The following TRMT11 variants were observed in gnomAD, a reference collection of about 807,000 sequenced individuals.
TRMT11 encodes tRNA (guanine(10)-N(2))-methyltransferase TRMT11.
A neutral mutation model predicts 62.8 loss-of-function variants in TRMT11; 53 were observed. That is an observed-to-expected ratio of 0.84 (90% confidence interval 0.68 to 1.06). TRMT11 has a LOEUF of 1.06. TRMT11 is among the 50% of genes least tolerant of loss of function. TRMT11 has a pLI of 0.00. For synonymous variants in TRMT11, 188 were observed against 190.3 expected (o/e 0.99, Z 0.10); for missense variants, 556 against 553.4 (o/e 1.00, Z -0.05).
At chr6:126,008,557 C>T in intron 8 of TRMT11, 85 bp downstream of exon 8, 1 of 1,202,470 alleles carries the variant, frequency 8.3e-7, no homozygotes, top group South Asian at 1.2e-5. Flanking sequence ...TGGAAGAACA[C>T]AAGTTTGAAT....
At chr6:125,995,287 G>A (rs998952603) in intron 2 of TRMT11, among the ~76,000 whole-genome samples, 21 of 152,206 alleles carry the variant, frequency 1.4e-4, no homozygotes, top group Middle Eastern at 6.8e-3. Flanking sequence ...AGGAGAGTGC[G>A]GATATAATTG....
At chr6:125,997,966 T>A (rs1791841446) in intron 3 of TRMT11, 87 bp from the exon 4 acceptor site, 2 of 898,012 alleles carry the variant, frequency 2.2e-6, no homozygotes, top group East Asian at 2.4e-5. Flanking sequence ...CAGTGGAGTG[T>A]GCATAAAGAA....
At chr6:126,056,983 A>G (rs2128119769) in intron 17 of TRMT11, among the ~76,000 whole-genome samples, 1 of 152,266 alleles carries the variant, frequency 6.6e-6, no homozygotes, top group East Asian at 1.9e-4. Context: ...TATGGAAGGG[A>G]TCAATGTCCT....
chr6:126,115,383 T>C (rs938717331), exon 20 of TRMT11, among the ~76,000 whole-genome samples: 5 of 152,074 alleles, frequency 3.3e-5, no homozygotes, highest in African/African-American at 1.2e-4. Flanking sequence ...TCTCTGGAGG[T>C]GGGACAAAGG....
intron 11 of TRMT11, among the ~76,000 whole-genome samples, chr6:126,017,755 T>G (rs1176728026): frequency 6.6e-6 from 1 of 152,236 alleles, no homozygotes; most frequent in Non-Finnish European, 1.5e-5. Flanking sequence ...TATAGAGACT[T>G]AACACATAAA....
chr6:126,036,239 G>C (rs1423250648), intron 12 of TRMT11, among the ~76,000 whole-genome samples: 7 of 152,106 alleles, frequency 4.6e-5, no homozygotes, highest in Non-Finnish European at 7.4e-5. Context: ...CAAAGTGATA[G>C]GTAATTGAAT....
At chr6:126,111,516 A>G (rs140428208) in intron 17 of TRMT11, among the ~76,000 whole-genome samples, 2 of 152,124 alleles carry the variant, frequency 1.3e-5, no homozygotes, top group Non-Finnish European at 2.9e-5. Context: ...TGCTAATTAC[A>G]TGGTTACTCA....
chr6:126,076,853 C>T (rs539731624), intron 17 of TRMT11, among the ~76,000 whole-genome samples: 14 of 152,260 alleles, frequency 9.2e-5, no homozygotes, highest in African/African-American at 2.4e-4. Context: ...GGCAGCTAAT[C>T]ATTTCCACCT....
intron 21 of TRMT11, among the ~76,000 whole-genome samples, chr6:126,124,846 T>A (rs951372075): frequency 6.6e-6 from 1 of 152,084 alleles, no homozygotes; most frequent in Admixed American, 6.6e-5. Flanking sequence ...GCTGGAGTTA[T>A]GTGATTGTTT....
Position 126,093,621 on chromosome 6 carries a change from A to ATATATATATATATG in TRMT11, c.*1438-19234_*1438-19233insATGTATATATATAT. Among the ~76,000 whole-genome samples, 2 of 90,248 alleles carry ATATATATATATATG rather than the reference A, an allele frequency of 2.2e-5. 1 individual carries two copies. The allele number at this position is 90,248 out of a possible 152,430, so 59.2% of individuals were successfully genotyped here. ...TATATATATATATATATATATATAT[A>ATATATATATATATG]TATATATATATTTTCCCCCAGTCCT... On this transcript the variant is annotated intron_variant and NMD_transcript_variant, in intron 17 of 22. Transcript: ENST00000648977.
chr6:126,105,033 C>T (rs1331328107), intron 17 of TRMT11, among the ~76,000 whole-genome samples: 1 of 152,210 alleles, frequency 6.6e-6, no homozygotes, highest in East Asian at 1.9e-4. Flanking sequence ...AGACGTGGCA[C>T]CACTGACCCT....
At chr6:126,197,264 T>A (rs1374718284) in intron 1 of TRMT11, among the ~76,000 whole-genome samples, 1 of 152,228 alleles carries the variant, frequency 6.6e-6, no homozygotes, top group African/African-American at 2.4e-5. Flanking sequence ...TGTTGACTTC[T>A]CTAGCTGGTC....
At chr6:126,024,848 T>C (rs1772754662) in intron 12 of TRMT11, among the ~76,000 whole-genome samples, 1 of 152,214 alleles carries the variant, frequency 6.6e-6, no homozygotes, top group Non-Finnish European at 1.5e-5. Context: ...ATTTTGATAA[T>C]TCAGATGGTA....
chr6:126,019,237 T>A (rs937122188), intron 11 of TRMT11, among the ~76,000 whole-genome samples: 2 of 152,222 alleles, frequency 1.3e-5, no homozygotes, highest in Non-Finnish European at 2.9e-5. Context: ...TGGGAGTGTA[T>A]TGTTAAATTA....
intron 21 of TRMT11, among the ~76,000 whole-genome samples, chr6:126,144,970 C>A (rs1777958080): frequency 6.6e-6 from 1 of 152,022 alleles, no homozygotes; most frequent in Admixed American, 6.6e-5. Context: ...AAATGATCAC[C>A]TTTCCATGCC....
intron 12 of TRMT11, among the ~76,000 whole-genome samples, chr6:126,022,135 C>T (rs1301733838): frequency 7.4e-6 from 1 of 135,308 alleles, no homozygotes; most frequent in Non-Finnish European, 1.5e-5. Flanking sequence ...CCTCCACCTT[C>T]TGGTTTCAAG....
At chr6:126,072,478 G>C (rs1323599234) in intron 17 of TRMT11, among the ~76,000 whole-genome samples, 1 of 152,138 alleles carries the variant, frequency 6.6e-6, no homozygotes, top group Non-Finnish European at 1.5e-5. Context: ...AGTATGGTAG[G>C]TGTTCAAAAA....
the TRMT11 span, among the ~76,000 whole-genome samples, chr6:126,213,338 T>C: frequency 6.6e-6 from 1 of 152,160 alleles, no homozygotes. Flanking sequence ...AGGAATTGCA[T>C]TGAATCTGTA....
chr6:125,995,177 G>C (rs1162986567), intron 2 of TRMT11, among the ~76,000 whole-genome samples: 1 of 152,202 alleles, frequency 6.6e-6, no homozygotes, highest in East Asian at 1.9e-4. Context: ...GTGACAGGAA[G>C]GATTTCTTGC....
Sources: gnomAD v4.1 joint callset for allele counts (sites outside exome capture counted in the v4.1 genomes callset) on GRCh38, gnomAD v4.1.1 for gene constraint, MANE v1.5 for transcripts, NCBI Gene and HGNC (gene_info 2026-07-23, HGNC 2026-07-21) for gene names.